The following ZFPM2 variants were observed in gnomAD, a reference collection of about 807,000 sequenced individuals.
ZFPM2 encodes the protein zinc finger protein ZFPM2.
Under a neutral mutation model 98.6 loss-of-function variants are expected in ZFPM2, and 20 were observed. The ratio of observed to expected loss-of-function variants is 0.20; its 90% confidence interval spans 0.14 to 0.29. The LOEUF (loss-of-function observed/expected upper bound fraction) is 0.29. Ranked by LOEUF, ZFPM2 falls within the 10% of genes least tolerant of loss-of-function variation. The pLI, the probability that ZFPM2 is intolerant of heterozygous loss-of-function variation, is 1.00. For synonymous variants in ZFPM2, 518 were observed against 502.7 expected (o/e 1.03, Z -0.41); for missense variants, 1,310 against 1,388.6 (o/e 0.94, Z 0.90).
At chr8:105,340,184 T>C (rs1812401167) in intron 1 of ZFPM2, among the ~76,000 whole-genome samples, 1 of 151,874 alleles carries the variant, frequency 6.6e-6, no homozygotes, top group Non-Finnish European at 1.5e-5. Flanking sequence ...CTCGATGTTA[T>C]CTAGACTCAC....
intron 4 of ZFPM2, among the ~76,000 whole-genome samples, chr8:105,630,591 G>A (rs545697284): frequency 1.3e-5 from 2 of 151,870 alleles, no homozygotes; most frequent in African/African-American, 2.4e-5. Context: ...AATTCTACTT[G>A]TACCCAGGCA....
intron 1 of ZFPM2, among the ~76,000 whole-genome samples, chr8:105,362,613 C>T (rs1810426363): frequency 6.6e-6 from 1 of 152,072 alleles, no homozygotes; most frequent in Admixed American, 6.6e-5. Flanking sequence ...ATGCTAGAGT[C>T]TTGGAAGGTG....
At chr8:105,345,832 G>A (rs1349662755) in intron 1 of ZFPM2, among the ~76,000 whole-genome samples, 1 of 152,026 alleles carries the variant, frequency 6.6e-6, no homozygotes, top group African/African-American at 2.4e-5. Context: ...ATAGGATTTT[G>A]TGATTCCATT....
intron 5 of ZFPM2, among the ~76,000 whole-genome samples, chr8:105,646,498 C>T (rs1195849196): frequency 6.6e-6 from 1 of 151,994 alleles, no homozygotes; most frequent in Non-Finnish European, 1.5e-5. Flanking sequence ...CTGCGGGGTC[C>T]CCTTGGCCAG....
At chr8:105,789,578 A>G (rs1813534750) in intron 6 of ZFPM2, among the ~76,000 whole-genome samples, 1 of 151,698 alleles carries the variant, frequency 6.6e-6, no homozygotes, top group African/African-American at 2.4e-5. Context: ...AGCATGATTT[A>G]TAGTCCTTTG....
intron 1 of ZFPM2, among the ~76,000 whole-genome samples, chr8:105,340,709 C>T (rs1184485190): frequency 6.6e-6 from 1 of 151,858 alleles, no homozygotes; most frequent in African/African-American, 2.4e-5. Context: ...CTACCTGGCA[C>T]TGTTCTATGT....
At chr8:105,498,109 G>A (rs1381272160) in intron 3 of ZFPM2, among the ~76,000 whole-genome samples, 4 of 151,608 alleles carry the variant, frequency 2.6e-5, no homozygotes, top group Non-Finnish European at 4.4e-5. Context: ...GAGGTGGGAG[G>A]ATCACTTGAG....
Position 105,490,108 on chromosome 8 carries a change from G to A in ZFPM2, c.301+45727G>A, listed in dbSNP as rs533454938. Among the ~76,000 whole-genome samples the A allele has an allele frequency of 2.1e-4, 32 of 152,056 alleles. No homozygotes were observed. In the East Asian group the frequency reaches 5.3e-3, roughly 25 times the overall value. On this transcript the variant is annotated intron_variant, in intron 3 of 7. Transcript: ENST00000407775. The stretch of plus-strand genomic sequence containing the variant: ...CTAAAAATACAAAAATTAGCTGGGC[G>A]TGGTGGCGGGCACCTGTAATCCCAG...
intron 1 of ZFPM2, among the ~76,000 whole-genome samples, chr8:105,354,574 A>C (rs1222497702): frequency 1.3e-5 from 2 of 152,198 alleles, no homozygotes; most frequent in Admixed American, 1.3e-4. Flanking sequence ...ATCATTGAAC[A>C]TCTGTATGTT....
chr8:105,376,278 C>A, intron 1 of ZFPM2, among the ~76,000 whole-genome samples: 1 of 152,198 alleles, frequency 6.6e-6, no homozygotes, highest in East Asian at 1.9e-4. Context: ...ATGGCTACTT[C>A]TCAGTTTTCT....
chr8:105,483,270 A>C (rs1171198948), intron 3 of ZFPM2, among the ~76,000 whole-genome samples: 1 of 152,054 alleles, frequency 6.6e-6, no homozygotes, highest in African/African-American at 2.4e-5. Context: ...CTCACTGTTG[A>C]ATAATAAATT....
At chr8:105,585,861 T>C (rs1815700243) in intron 4 of ZFPM2, among the ~76,000 whole-genome samples, 1 of 151,660 alleles carries the variant, frequency 6.6e-6, no homozygotes, top group South Asian at 2.1e-4. Flanking sequence ...AATAAAAATA[T>C]AAAGAGAACC....
intron 1 of ZFPM2, among the ~76,000 whole-genome samples, chr8:105,322,653 A>C (rs1416102014): frequency 6.6e-6 from 1 of 152,160 alleles, no homozygotes; most frequent in Non-Finnish European, 1.5e-5. Flanking sequence ...TGTTTGGTCT[A>C]GATCAGGTGC....
At chr8:105,737,450 C>T (rs74872823) in intron 5 of ZFPM2, 12,531 of 153,352 alleles carry the variant, frequency 0.082, 716 homozygotes, top group African/African-American at 0.15. Context: ...TGTTGACAAT[C>T]TCATTGAAAG....
chr8:105,523,440 C>T lies in ZFPM2; in HGVS notation c.302-37923C>T, dbSNP rs1020616286. Reference sequence around the variant, plus strand: ...TTAGCAATTCTGCAGCCACACTGCTCGCCCTGCTCTTGTGTTGCCCCTCCC... The same window carrying T: ...TTAGCAATTCTGCAGCCACACTGCTTGCCCTGCTCTTGTGTTGCCCCTCCC... On this transcript the variant is annotated intron_variant, in intron 3 of 7. Coordinates refer to ENST00000407775, the MANE Select transcript of ZFPM2 (RefSeq NM_012082.4). Among the ~76,000 whole-genome samples the T allele has an allele frequency of 3.3e-5, 5 of 152,182 alleles. No homozygotes were observed. In the East Asian group the frequency reaches 5.8e-4, roughly 18 times the overall value.
At chr8:105,719,316 C>G (rs529524749) in intron 5 of ZFPM2, among the ~76,000 whole-genome samples, 1 of 152,008 alleles carries the variant, frequency 6.6e-6, no homozygotes, top group East Asian at 1.9e-4. Context: ...TGTCTTTTCA[C>G]TCCTCTTGTA....
intron 3 of ZFPM2, among the ~76,000 whole-genome samples, chr8:105,508,996 C>T (rs191697298): frequency 6.6e-6 from 1 of 152,154 alleles, no homozygotes; most frequent in Non-Finnish European, 1.5e-5. Context: ...ACATTGAAAT[C>T]ACATTATGCG....
chr8:105,620,789 A>C (rs192868437), intron 4 of ZFPM2, among the ~76,000 whole-genome samples: 1 of 152,276 alleles, frequency 6.6e-6, no homozygotes, highest in Non-Finnish European at 1.5e-5. Context: ...TAAATAGGGA[A>C]TCCTTTCCCC....
chr8:105,353,846 A>G (rs1812692628), intron 1 of ZFPM2, among the ~76,000 whole-genome samples: 2 of 152,218 alleles, frequency 1.3e-5, no homozygotes, highest in African/African-American at 4.8e-5. Flanking sequence ...GTGCTAAATT[A>G]TGAAAAGTTG....
Sources: gnomAD v4.1 joint callset for allele counts (sites outside exome capture counted in the v4.1 genomes callset) on GRCh38, gnomAD v4.1.1 for gene constraint, MANE v1.5 for transcripts, NCBI Gene and HGNC (gene_info 2026-07-23, HGNC 2026-07-21) for gene names.